Variants in PDE1C observed in about 807,000 individuals in gnomAD.
PDE1C encodes the protein dual specificity calcium/calmodulin-dependent 3',5'-cyclic nucleotide phosphodiesterase 1C.
A neutral mutation model predicts 93.1 loss-of-function variants in PDE1C; 62 were observed. That is an observed-to-expected ratio of 0.67 (90% CI 0.54 to 0.82). PDE1C has a LOEUF of 0.82. Among genes scored for constraint, PDE1C ranks in the 40% least tolerant of loss-of-function variants. The pLI is 0.00. For synonymous variants in PDE1C, 325 were observed against 310.1 expected (o/e 1.05, Z -0.50); for missense variants, 742 against 884.6 (o/e 0.84, Z 2.04).
rs537007352 is a variant in PDE1C, at chr7:32,174,777, G to T, written c.137-4821C>A. 6.4e-4 allele frequency among the ~76,000 whole-genome samples: 97 copies of T among 152,304 alleles called. 1 individual carries two copies. Among genetic ancestry groups the T allele is most frequent in the Non-Finnish European group, 1.1e-3 (77 of 68,024 alleles). On this transcript the variant is annotated intron_variant, in intron 2 of 18. Coordinates refer to the PDE1C transcript ENST00000396193. ...ACAGCTGTACCTGTATTTCAGAAAG[G>T]AGACTGGTGTGCTGTGGAGTAGTGA...
At chr7:31,842,123 G>A (rs1206277070) in intron 9 of PDE1C, among the ~76,000 whole-genome samples, 1 of 152,046 alleles carries the variant, frequency 6.6e-6, no homozygotes, top group Admixed American at 6.6e-5. Context: ...CACACACTGA[G>A]GCCCAGGCGA....
chr7:32,412,210 T>G (rs1785184471), intron 1 of PDE1C, among the ~76,000 whole-genome samples: 1 of 152,044 alleles, frequency 6.6e-6, no homozygotes, highest in African/African-American at 2.4e-5. Flanking sequence ...ATCTCAGCAC[T>G]TTGGGAGGCT....
At chr7:32,193,920 T>TTG (rs1554283881) in intron 2 of PDE1C, among the ~76,000 whole-genome samples, 3 of 144,870 alleles carry the variant, frequency 2.1e-5, no homozygotes, top group East Asian at 2.0e-4. Context: ...TGTTTTGTTT[T>TTG]TTTTTTTTTT....
chr7:31,891,830 AC>A (rs1798679511), intron 2 of PDE1C, among the ~76,000 whole-genome samples: 1 of 152,040 alleles, frequency 6.6e-6, no homozygotes, highest in Non-Finnish European at 1.5e-5. Flanking sequence ...ACACACACAC[AC>A]ACACACACGT....
intron 2 of PDE1C, among the ~76,000 whole-genome samples, chr7:32,017,612 A>G (rs73318307): frequency 7.7e-4 from 118 of 152,330 alleles, no homozygotes; most frequent in African/African-American, 2.8e-3. Context: ...TTAATGAGGG[A>G]CTAGTATCTA....
At chr7:32,069,972 C>T (rs997342482) in intron 1 of PDE1C, among the ~76,000 whole-genome samples, 1 of 152,218 alleles carries the variant, frequency 6.6e-6, no homozygotes, top group Non-Finnish European at 1.5e-5. Flanking sequence ...GGGTCTCAAA[C>T]TTTTCTCCCT....
chr7:32,205,615 C>T (rs1383085980), intron 2 of PDE1C, among the ~76,000 whole-genome samples: 1 of 152,184 alleles, frequency 6.6e-6, no homozygotes, highest in Admixed American at 6.5e-5. Context: ...CCCCAGCCAA[C>T]CCGTTTGGGT....
At chr7:31,933,281 A>G (rs113606000) in intron 2 of PDE1C, among the ~76,000 whole-genome samples, 12 of 152,292 alleles carry the variant, frequency 7.9e-5, no homozygotes, top group Non-Finnish European at 1.5e-4. Flanking sequence ...ATTAGAGAAA[A>G]CAATAAATAT....
Position 31,823,108 on chromosome 7 carries a change from A to G in PDE1C, c.1547T>C (p.Ile516Thr). The G allele has an allele frequency of 6.2e-7, 1 of 1,612,988 alleles. No individual in the cohort carries two copies. The highest frequency in any genetic ancestry group is 8.5e-7 in the Non-Finnish European group (1 of 1,179,368). ...CTTGGCCCTCCATCTCTCCCGATTG[A>G]TGTGCACCACTTCCGTCCAAGTAGC... The part of the protein sequence containing the change: ...FKATWTEVVH[I>T]NRERWRAKVP... The change falls in exon 14 of 18, where the codon ATC becomes ACC. Residue 516 changes from isoleucine to threonine, a missense_variant. Transcript: ENST00000396191.
intron 1 of PDE1C, among the ~76,000 whole-genome samples, chr7:32,281,558 C>T (rs993858054): frequency 1.3e-5 from 2 of 151,908 alleles, no homozygotes; most frequent in South Asian, 2.1e-4. Context: ...ACACTCTGGG[C>T]GACAGAGTGA....
At chr7:31,658,271 G>T in the PDE1C span, 34 of 1,501,568 alleles carry the variant, frequency 2.3e-5, no homozygotes, top group Non-Finnish European at 2.8e-5. Context: ...TCTCTTATAG[G>T]TGAATTATTG....
At chr7:31,956,814 A>C (rs1377967721) in intron 2 of PDE1C, among the ~76,000 whole-genome samples, 1 of 152,210 alleles carries the variant, frequency 6.6e-6, no homozygotes, top group African/African-American at 2.4e-5. Context: ...TAGACATAGA[A>C]TTGAACACAA....
chr7:31,859,450 T>C (rs1488038206), intron 7 of PDE1C, among the ~76,000 whole-genome samples: 1 of 81,848 alleles, frequency 1.2e-5, no homozygotes, highest in East Asian at 2.1e-4. Context: ...ATAACTTTAA[T>C]AATATAAATA....
At chr7:31,855,096 C>T (rs1239424406) in intron 7 of PDE1C, among the ~76,000 whole-genome samples, 1 of 148,072 alleles carries the variant, frequency 6.8e-6, no homozygotes, top group Non-Finnish European at 1.5e-5. Context: ...AAAAAACTTC[C>T]GTTTATTGGC....
intron 2 of PDE1C, among the ~76,000 whole-genome samples, chr7:31,937,521 T>C (rs1353205121): frequency 6.6e-6 from 1 of 152,178 alleles, no homozygotes; most frequent in Non-Finnish European, 1.5e-5. Flanking sequence ...CCATCATGGC[T>C]GGAACTAGTT....
intron 1 of PDE1C, among the ~76,000 whole-genome samples, chr7:32,408,985 A>G (rs905143064): frequency 2.0e-5 from 3 of 152,174 alleles, no homozygotes; most frequent in Non-Finnish European, 4.4e-5. Flanking sequence ...CCTGAAAAAG[A>G]ACCAAGCCCA....
At chr7:32,360,717 C>G (rs891964884) in intron 1 of PDE1C, among the ~76,000 whole-genome samples, 1 of 152,142 alleles carries the variant, frequency 6.6e-6, no homozygotes, top group African/African-American at 2.4e-5. Context: ...TGCACTGAGC[C>G]CAGCAGATTA....
chr7:32,392,762 T>C (rs1021734815), intron 1 of PDE1C, among the ~76,000 whole-genome samples: 4 of 151,980 alleles, frequency 2.6e-5, no homozygotes, highest in African/African-American at 7.2e-5. Flanking sequence ...AAAAAGCACA[T>C]ATATATGGCC....
At chr7:31,884,778 A>C (rs1454260879) in intron 2 of PDE1C, among the ~76,000 whole-genome samples, 1 of 152,162 alleles carries the variant, frequency 6.6e-6, no homozygotes, top group East Asian at 1.9e-4. Context: ...AAGAGTTTCA[A>C]ATTAGCTCTT....
Sources: gnomAD v4.1 joint callset for allele counts (sites outside exome capture counted in the v4.1 genomes callset) on GRCh38, gnomAD v4.1.1 for gene constraint, MANE v1.5 for transcripts, NCBI Gene and HGNC (gene_info 2026-07-23, HGNC 2026-07-21) for gene names.